Variants in ARHGAP31 observed in about 807,000 individuals in gnomAD.
ARHGAP31 encodes the protein Rho GTPase activating protein 31, also known as rho GTPase-activating protein 31.
In ARHGAP31, 34 loss-of-function variants were observed where a neutral mutation model predicts 113.9. The observed-to-expected ratio is 0.30, with a 90% CI of 0.23 to 0.40. The LOEUF is 0.40. Among genes scored for constraint, ARHGAP31 ranks in the 10% least tolerant of loss-of-function variants. The pLI is 1.00. For synonymous variants in ARHGAP31, 650 were observed against 684.8 expected (o/e 0.95, Z 0.79); for missense variants, 1,548 against 1,767.1 (o/e 0.88, Z 2.22).
chr3:119,294,772 A>G lies in ARHGAP31; in HGVS notation c.-133A>G. The stretch of plus-strand genomic sequence containing the variant: ...GGTCCATGCGCAGGGCCCCCAGCCC[A>G]AGTTCTTCCATCTTCCGATGCGGCC... On this transcript the variant is annotated 5_prime_UTR_variant, in exon 1 of 12. Transcript: ENST00000264245. 1.2e-6 allele frequency: 1 copy of G among 855,888 alleles called. No individual in the cohort carries two copies. Among genetic ancestry groups the G allele is most frequent in the Non-Finnish European group, 1.9e-6 (1 of 516,584 alleles). The allele number at this position is 855,888 out of a possible 1,614,324, so 53.0% of individuals were successfully genotyped here.
At chr3:119,353,658 T>C (rs2080130598) in intron 1 of ARHGAP31, among the ~76,000 whole-genome samples, 1 of 151,926 alleles carries the variant, frequency 6.6e-6, no homozygotes, top group African/African-American at 2.4e-5. Context: ...CATGGTGGTA[T>C]GGGCCTGTAA....
chr3:119,389,896 C>A (rs1172147104), intron 6 of ARHGAP31, among the ~76,000 whole-genome samples: 1 of 152,198 alleles, frequency 6.6e-6, no homozygotes, highest in Non-Finnish European at 1.5e-5. Context: ...ATATTGAGTG[C>A]TGGATGATTC....
chr3:119,408,027 CAAGCAACCTAGAGAT>C (rs147422697), intron 10 of ARHGAP31, among the ~76,000 whole-genome samples: 51,570 of 151,438 alleles, frequency 0.34, 9,082 homozygotes, highest in South Asian at 0.43. Context: ...TTACATATTA[CAAGCAACCTAGAGAT>C]AAGCAACCTA....
At chr3:119,346,734 G>A (rs16829724) in intron 1 of ARHGAP31, among the ~76,000 whole-genome samples, 11,404 of 152,240 alleles carry the variant, frequency 0.075, 431 homozygotes, top group Non-Finnish European at 0.08. Flanking sequence ...AGGTACTTAA[G>A]CCCTAATCCT....
chr3:119,381,762 C>T lies in ARHGAP31; in HGVS notation c.432-530C>T, dbSNP rs143941440. On this transcript the variant is annotated intron_variant, in intron 4 of 11. Transcript: ENST00000264245. The stretch of plus-strand genomic sequence containing the variant: ...CAGCACTTTGGGAGGCCCAGGCGGG[C>T]GAGCACGAGGTCAGGAGATCGAGAC... Among the ~76,000 whole-genome samples, 1,071 of 152,162 alleles carry T rather than the reference C, an allele frequency of 7.0e-3. 7 individuals carry two copies. The highest frequency in any genetic ancestry group is 0.028 in the South Asian group (134 of 4,824).
At chr3:119,297,117 A>C (rs538144075) in intron 1 of ARHGAP31, among the ~76,000 whole-genome samples, 1 of 152,260 alleles carries the variant, frequency 6.6e-6, no homozygotes, top group Non-Finnish European at 1.5e-5. Flanking sequence ...GAAATTAGAC[A>C]TGCATAATAT....
At chr3:119,406,473 C>A (rs2080663354) in intron 10 of ARHGAP31, among the ~76,000 whole-genome samples, 2 of 152,172 alleles carry the variant, frequency 1.3e-5, no homozygotes. Context: ...TTTGTAATAG[C>A]AAAGGACTGG....
At chr3:119,394,745 A>G (rs1479102447) in intron 8 of ARHGAP31, among the ~76,000 whole-genome samples, 1 of 152,170 alleles carries the variant, frequency 6.6e-6, no homozygotes, top group East Asian at 1.9e-4. Context: ...ACTTGAGCCC[A>G]GGAGTTCGAG....
intron 4 of ARHGAP31, among the ~76,000 whole-genome samples, chr3:119,381,890 GC>G (rs1232865636): frequency 6.6e-6 from 1 of 151,696 alleles, no homozygotes; most frequent in Non-Finnish European, 1.5e-5. Flanking sequence ...GGAGGATGAG[GC>G]CAGAGAATGG....
chr3:119,332,604 T>TCTC (rs1205334200), intron 1 of ARHGAP31, among the ~76,000 whole-genome samples: 6 of 105,786 alleles, frequency 5.7e-5, no homozygotes, highest in East Asian at 2.9e-4. Context: ...CTCTCTCTCT[T>TCTC]TCTCTCTCTC....
intron 1 of ARHGAP31, among the ~76,000 whole-genome samples, chr3:119,318,114 AT>A (rs201730927): frequency 6.6e-6 from 1 of 151,386 alleles, no homozygotes; most frequent in African/African-American, 2.4e-5. Context: ...AAAAAAAAAA[AT>A]TTTCATTAGC....
intron 7 of ARHGAP31, among the ~76,000 whole-genome samples, chr3:119,392,557 C>A (rs2080513931): frequency 6.6e-6 from 1 of 152,252 alleles, no homozygotes; most frequent in African/African-American, 2.4e-5. Flanking sequence ...AGGTTTTCAT[C>A]CTGAAACTTC....
At chr3:119,358,038 A>T (rs1577010771) in intron 1 of ARHGAP31, among the ~76,000 whole-genome samples, 1 of 152,232 alleles carries the variant, frequency 6.6e-6, no homozygotes, top group South Asian at 2.1e-4. Context: ...ACTGAAATGT[A>T]AAACTTCTGT....
At chr3:119,373,553 A>G (rs1039025130) in intron 3 of ARHGAP31, among the ~76,000 whole-genome samples, 7 of 148,786 alleles carry the variant, frequency 4.7e-5, no homozygotes, top group Non-Finnish European at 7.4e-5. Context: ...AGCCTCCCCC[A>G]CCCGGGTTCA....
intron 6 of ARHGAP31, among the ~76,000 whole-genome samples, chr3:119,383,992 T>C (rs1274343808): frequency 6.6e-6 from 1 of 152,152 alleles, no homozygotes; most frequent in Middle Eastern, 3.2e-3. Flanking sequence ...ATGTTTGGAG[T>C]GTGGCTGATA....
At chr3:119,365,491 T>A (rs986921087) in intron 2 of ARHGAP31, 73 bp downstream of exon 2, 6 of 1,352,170 alleles carry the variant, frequency 4.4e-6, no homozygotes, top group Non-Finnish European at 6.3e-6. Context: ...TCCATCGGTG[T>A]CCAGAGTATT....
chr3:119,412,137 T>C (rs1346043379), intron 11 of ARHGAP31, among the ~76,000 whole-genome samples: 1 of 152,056 alleles, frequency 6.6e-6, no homozygotes, highest in Non-Finnish European at 1.5e-5. Flanking sequence ...CACACCTTTC[T>C]GAGCACTTTG....
chr3:119,400,776 C>T (rs1216121263), intron 9 of ARHGAP31, among the ~76,000 whole-genome samples: 2 of 152,122 alleles, frequency 1.3e-5, no homozygotes, highest in Non-Finnish European at 2.9e-5. Context: ...TGCTTAGTAC[C>T]AAGTTAGAAA....
At chr3:119,312,647 TTTATA>T (rs2079692671) in intron 1 of ARHGAP31, among the ~76,000 whole-genome samples, 1 of 152,232 alleles carries the variant, frequency 6.6e-6, no homozygotes, top group Non-Finnish European at 1.5e-5. Flanking sequence ...AACAATGTGA[TTTATA>T]AAGTATAAAG....
Sources: gnomAD v4.1 joint callset for allele counts (sites outside exome capture counted in the v4.1 genomes callset) on GRCh38, gnomAD v4.1.1 for gene constraint, MANE v1.5 for transcripts, NCBI Gene and HGNC (gene_info 2026-07-23, HGNC 2026-07-21) for gene names.